The following ANAPC1 variants were observed in gnomAD, a reference collection of about 807,000 sequenced individuals.
ANAPC1 encodes the protein anaphase-promoting complex subunit 1.
ANAPC1 carries 36 observed loss-of-function variants against 208.0 expected under a neutral mutation model. The observed-to-expected ratio is 0.17, with a 90% confidence interval of 0.13 to 0.23. The LOEUF (loss-of-function observed/expected upper bound fraction) is 0.23, where lower values mean the gene tolerates loss of function less well. Ranked by LOEUF, ANAPC1 falls within the 10% of genes least tolerant of loss-of-function variation. The pLI, the probability that ANAPC1 is intolerant of heterozygous loss-of-function variation, is 1.00. For synonymous variants in ANAPC1, 378 were observed against 695.2 expected, an observed-to-expected ratio of 0.54 and a Z score of 7.18; for missense variants, 942 against 2,011.6, an observed-to-expected ratio of 0.47 and a Z score of 10.17.
At chr2:111,855,520 T>A (rs1314050198) in intron 13 of ANAPC1, among the ~76,000 whole-genome samples, 1 of 152,094 alleles carries the variant, frequency 6.6e-6, no homozygotes, top group East Asian at 1.9e-4. Context: ...AATATATACA[T>A]CACACTGAAT....
intron 46 of ANAPC1, among the ~76,000 whole-genome samples, chr2:111,775,254 G>C (rs1043916926): frequency 2.0e-4 from 30 of 152,156 alleles, no homozygotes; most frequent in Admixed American, 9.8e-4. Context: ...GACAGAGCGA[G>C]ACTCTGTCTC....
rs1160754732 is a variant in ANAPC1 at position 111,847,820 on chromosome 2, G to T, written c.1696C>A (p.Leu566Ile). Residue 566 changes from leucine (L) to isoleucine (I), a missense_variant, in exon 15 of 48, where the codon CTT becomes ATT. Physicochemically the swap from Leu to Ile is conservative, Grantham distance 5 (BLOSUM62 2). Transcript: ENST00000341068. ...PVPELRDSSK[L>I]HDSLYNEDCT... Reference sequence around the variant, plus strand: ...TCCTCATTATAGAGAGAATCATGAAGTTTTGAAGAATCCCTCAGTTCTGGA... The same window carrying T: ...TCCTCATTATAGAGAGAATCATGAATTTTTGAAGAATCCCTCAGTTCTGGA... 1 of 1,599,524 alleles carries T rather than the reference G, an allele frequency of 6.3e-7. No individual in the cohort carries two copies. Among genetic ancestry groups the T allele is most frequent in the African/African-American group, 1.3e-5 (1 of 74,270 alleles).
intron 46 of ANAPC1, among the ~76,000 whole-genome samples, chr2:111,775,533 CTA>C (rs1190948358): frequency 1.3e-5 from 2 of 152,252 alleles, no homozygotes; most frequent in Non-Finnish European, 2.9e-5. Flanking sequence ...AAAAAAAATT[CTA>C]GTTTTTCACT....
chr2:111,846,552 TA>T (rs1558715955), intron 16 of ANAPC1, among the ~76,000 whole-genome samples: 802 of 69,918 alleles, frequency 0.011, 7 homozygotes, highest in Non-Finnish European at 0.016. Context: ...TATATATATA[TA>T]TATATATTTT....
chr2:111,774,984 T>C (rs1002590490), intron 46 of ANAPC1, among the ~76,000 whole-genome samples: 3 of 152,114 alleles, frequency 2.0e-5, no homozygotes, highest in Non-Finnish European at 2.9e-5. Context: ...AACATTTATA[T>C]AGGCCAGGCG....
At chr2:111,863,544 G>A in intron 9 of ANAPC1, 131 bp downstream of exon 9, 1 of 827,434 alleles carries the variant, frequency 1.2e-6, no homozygotes, top group Non-Finnish European at 1.8e-6. Flanking sequence ...GCTCAATTGG[G>A]ATAATGGCTA....
chr2:111,794,788 G>T, intron 35 of ANAPC1, 30 bp downstream of exon 35: 2 of 1,018,382 alleles, frequency 2.0e-6, no homozygotes, highest in African/African-American at 1.6e-5. Context: ...TAGACGCTAG[G>T]ATAGCTAATT....
At chr2:111,879,304 G>C (rs1323441072) in intron 2 of ANAPC1, among the ~76,000 whole-genome samples, 1 of 152,190 alleles carries the variant, frequency 6.6e-6, no homozygotes, top group South Asian at 2.1e-4. Context: ...AAGTATATGA[G>C]GTAGGGTAGG....
In ANAPC1 at chr2:111,767,725, A is replaced by C. The variant is rs1278559476; in HGVS notation, c.*1566T>G. On this transcript the variant is annotated 3_prime_UTR_variant, in exon 48 of 48. Coordinates refer to ENST00000341068, the MANE Select transcript of ANAPC1 (RefSeq NM_022662.4). ...GACAGTAACAACTGGTTTGATATTG[A>C]ATTTTTAAAATCTTGATTCAAATGG... is the stretch of plus-strand genomic sequence containing the variant. 2.1e-5 allele frequency: 3 copies of C among 142,604 alleles called. No homozygotes were observed. Among genetic ancestry groups the C allele is most frequent in the African/African-American group, 8.1e-5 (3 of 36,956 alleles). The allele number at this position is 142,604 out of a possible 1,614,324, so 8.8% of individuals were successfully genotyped here. A position where few individuals can be genotyped will look rare whatever the true frequency, so the allele number is the denominator to read the frequency against.
At chr2:111,826,660 TATTTA>T (rs1679848594) in intron 21 of ANAPC1, among the ~76,000 whole-genome samples, 1 of 91,250 alleles carries the variant, frequency 1.1e-5, no homozygotes, top group South Asian at 3.9e-4. Context: ...TTTATTTATT[TATTTA>T]TTTTTTTTTT....
chr2:111,843,536 A>T lies in ANAPC1; in HGVS notation c.1916T>A (p.Val639Asp), dbSNP rs914769203. Residue 639 changes from valine (V) to aspartate (D), a missense_variant, in exon 17 of 48, where the codon GTC becomes GAC. Transcript: ENST00000341068. ...AGCACTGTGGACATTGTACCACTTGACAAGCATCTGAACTGCTATTTCTTT... is the reference window on the plus strand; with the variant it reads ...AGCACTGTGGACATTGTACCACTTGTCAAGCATCTGAACTGCTATTTCTTT... ...LPKEIAVQML[V>D]KWYNVHSAPG... 5 of 1,611,866 alleles carry T rather than the reference A, an allele frequency of 3.1e-6. No individual in the cohort carries two copies. The African/African-American group carries it at 6.7e-5, about 22-fold the overall frequency.
chr2:111,855,451 C>T (rs1179254962), intron 13 of ANAPC1, among the ~76,000 whole-genome samples: 1 of 152,024 alleles, frequency 6.6e-6, no homozygotes, highest in Non-Finnish European at 1.5e-5. Context: ...AAAAAAAATG[C>T]AGTATCTGTG....
At chr2:111,827,343 T>C (rs1436121163) in intron 21 of ANAPC1, among the ~76,000 whole-genome samples, 1 of 152,138 alleles carries the variant, frequency 6.6e-6, no homozygotes, top group Non-Finnish European at 1.5e-5. Flanking sequence ...AAAACATACA[T>C]AAAGTTCCTT....
Position 111,862,475 on chromosome 2 carries a change from A to C in ANAPC1, c.1176T>G (p.Asn392Lys). The change falls in exon 10 of 48, where the codon AAT becomes AAG. Residue 392 changes from asparagine to lysine, a missense_variant. Transcript: ENST00000341068. The stretch of plus-strand genomic sequence containing the variant: ...CCGTTTCTGGTGCAAGAAAGGAGCC[A>C]TTAGAATTACTATTTGGAGAATGAG... The part of the protein sequence containing the change: ...SISHSPNSNS[N>K]GSFLAPETEP... The C allele has an allele frequency of 6.2e-7, 1 of 1,611,750 alleles. No individual in the cohort carries two copies. The highest frequency in any genetic ancestry group is 8.5e-7 in the Non-Finnish European group (1 of 1,179,624).
At chr2:111,774,065 A>G (rs1369309284) in intron 46 of ANAPC1, among the ~76,000 whole-genome samples, 1 of 152,020 alleles carries the variant, frequency 6.6e-6, no homozygotes, top group Non-Finnish European at 1.5e-5. Context: ...ATTCTGTTCT[A>G]GGTAGAAATA....
chr2:111,838,047 T>C (rs1406856503), intron 18 of ANAPC1, among the ~76,000 whole-genome samples: 2 of 134,926 alleles, frequency 1.5e-5, no homozygotes, highest in African/African-American at 5.3e-5. Context: ...ATCCTGCCAC[T>C]GCACTCCATC....
chr2:111,853,749 C>G (rs1681540591), intron 13 of ANAPC1, among the ~76,000 whole-genome samples: 1 of 151,962 alleles, frequency 6.6e-6, no homozygotes. Context: ...TGGAGTCTCC[C>G]TCTGTCGCCC....
intron 28 of ANAPC1, among the ~76,000 whole-genome samples, chr2:111,810,306 G>GGC (rs1298556797): frequency 6.9e-6 from 1 of 145,120 alleles, no homozygotes; most frequent in African/African-American, 2.5e-5. Flanking sequence ...TGAAGGTGGG[G>GGC]GGGGGTGAGG....
chr2:111,825,630 T>C (rs1201520539), intron 22 of ANAPC1, 147 bp downstream of exon 22: 2 of 718,098 alleles, frequency 2.8e-6, no homozygotes, highest in Middle Eastern at 2.9e-4. Context: ...AAATTAGTTG[T>C]GGACAAAAGA....
Sources: allele counts gnomAD v4.1 joint callset (sites outside exome capture counted in the v4.1 genomes callset), GRCh38; gene constraint gnomAD v4.1.1; transcripts MANE v1.5; gene names NCBI Gene and HGNC (gene_info 2026-07-23, HGNC 2026-07-21).